Variants in CACNG6 observed in about 807,000 individuals in gnomAD.
CACNG6 encodes voltage-dependent calcium channel gamma-6 subunit.
CACNG6 carries 21 observed loss-of-function variants against 23.9 expected under a neutral mutation model. The ratio of observed to expected loss-of-function variants is 0.88; its 90% CI spans 0.62 to 1.26. CACNG6 has a LOEUF of 1.26. Ranked by LOEUF, CACNG6 falls within the 50% of genes most tolerant of loss-of-function variation. The pLI is 0.00. For synonymous variants in CACNG6, 182 were observed against 168.9 expected, an observed-to-expected ratio of 1.08 and a Z score of -0.60; for missense variants, 340 against 352.9, an observed-to-expected ratio of 0.96 and a Z score of 0.29.
chr19:54,007,191 C>A (rs532662310), intron 3 of CACNG6, among the ~76,000 whole-genome samples: 1 of 152,110 alleles, frequency 6.6e-6, no homozygotes, highest in African/African-American at 2.4e-5. Flanking sequence ...TGGGATTACA[C>A]GCATGCACCA....
At chr19:53,998,511 C>T (rs1402101603) in intron 2 of CACNG6, among the ~76,000 whole-genome samples, 198 bp downstream of exon 2, 56 of 115,422 alleles carry the variant, frequency 4.9e-4, no homozygotes, top group African/African-American at 1.7e-3. Context: ...CTAGAGAACT[C>T]TTTTTTTTTT....
In CACNG6 at chr19:53,993,186, C is replaced by G. The variant is rs1281222791; in HGVS notation, c.309C>G (p.Cys103Trp). 6 of 1,541,890 alleles carry G rather than the reference C, an allele frequency of 3.9e-6. No individual in the cohort carries two copies. The South Asian group carries it at 7.2e-5, about 18-fold the overall frequency. The change falls in exon 1 of 4, where the codon TGC becomes TGG. Residue 103 changes from cysteine to tryptophan, a missense_variant. Physicochemically the swap from Cys to Trp is radical, Grantham distance 215. Coordinates refer to ENST00000252729, the MANE Select transcript of CACNG6 (RefSeq NM_145814.2). ...QADVPVDRDT[C>W]GPAELPGEAN... Reference sequence around the variant, plus strand: ...ACGTGCCCGTGGACAGGGACACCTGCGGCCCCGCGGAGCTGCCCGGAGGTG... The same window carrying G: ...ACGTGCCCGTGGACAGGGACACCTGGGGCCCCGCGGAGCTGCCCGGAGGTG...
At chr19:54,000,947 T>A (rs1394048222) in intron 3 of CACNG6, among the ~76,000 whole-genome samples, 1 of 152,084 alleles carries the variant, frequency 6.6e-6, no homozygotes, top group East Asian at 1.9e-4. Flanking sequence ...GGGCACACAA[T>A]CAATGATGGC....
chr19:54,005,552 G>A (rs1295620811), intron 3 of CACNG6, among the ~76,000 whole-genome samples: 4 of 151,608 alleles, frequency 2.6e-5, no homozygotes, highest in Non-Finnish European at 5.9e-5. Flanking sequence ...TTAGGAGTTC[G>A]AGACCAGCCT....
At chr19:54,011,449 A>AC (rs1240878018) in intron 3 of CACNG6, among the ~76,000 whole-genome samples, 28 of 135,852 alleles carry the variant, frequency 2.1e-4, no homozygotes, top group South Asian at 4.7e-4. Flanking sequence ...AAAAAAAAAA[A>AC]AAAACAAAAC....
At chr19:54,005,210 A>AAAATAAATGAATAAAT (rs377340398) in intron 3 of CACNG6, among the ~76,000 whole-genome samples, 1 of 132,810 alleles carries the variant, frequency 7.5e-6, no homozygotes, top group Non-Finnish European at 1.6e-5. Context: ...CTCCATCTCA[A>AAAATAAATGAATAAAT]AAATAAATAA....
chr19:54,003,066 C>T (rs145494775), intron 3 of CACNG6, among the ~76,000 whole-genome samples: 1 of 152,274 alleles, frequency 6.6e-6, no homozygotes, highest in Non-Finnish European at 1.5e-5. Flanking sequence ...ATAAAAAGTA[C>T]AGAGTATGAG....
intron 3 of CACNG6, among the ~76,000 whole-genome samples, chr19:54,006,454 C>T (rs944545981): frequency 2.0e-5 from 3 of 151,402 alleles, no homozygotes; most frequent in South Asian, 2.1e-4. Flanking sequence ...AAATGGCCAA[C>T]TTATCCCTGT....
At chr19:54,011,207 T>A (rs201919434) in intron 3 of CACNG6, among the ~76,000 whole-genome samples, 14,620 of 95,596 alleles carry the variant, frequency 0.15, 1,298 homozygotes, top group Non-Finnish European at 0.19. Flanking sequence ...AAAAAAAAAA[T>A]ATATATATAT....
rs2069539695 is a variant in CACNG6, at chr19:53,998,204, T to A, written c.332-35T>A. ...CTGAGCTTACGCAAGGGACCTCACATCCTCATGTCTGTTTTCTCTCTCCTG... is the reference window on the plus strand; with the variant it reads ...CTGAGCTTACGCAAGGGACCTCACAACCTCATGTCTGTTTTCTCTCTCCTG... On this transcript the variant is annotated intron_variant, in intron 1 of 3. Transcript: ENST00000252729. The A allele has an allele frequency of 1.9e-6, 3 of 1,593,684 alleles. No homozygotes were observed. The South Asian group carries it at 3.3e-5, about 18-fold the overall frequency.
In CACNG6 at chr19:54,012,559, G is replaced by GGA. The variant is rs1332442573; in HGVS notation, c.*375_*376dup. ...CAGGTCTGGATCGATTCACTTGCCG[G>GGA]GAGAGACTTTTTACAACTCATCTGC... is the stretch of plus-strand genomic sequence containing the variant. On this transcript the variant is annotated 3_prime_UTR_variant, in exon 4 of 4. Transcript: ENST00000252729. 1 of 184,118 alleles carries GGA rather than the reference G, an allele frequency of 5.4e-6. No homozygotes were observed. The highest frequency in any genetic ancestry group is 2.3e-5 in the African/African-American group (1 of 42,582). The allele number at this position is 184,118 out of a possible 1,614,324, so 11.4% of individuals were successfully genotyped here. A position where few individuals can be genotyped will look rare whatever the true frequency, so the allele number is the denominator to read the frequency against.
intron 1 of CACNG6, among the ~76,000 whole-genome samples, chr19:53,996,863 A>ATTTTTTTTTTT (rs35192974): frequency 1.0e-5 from 1 of 98,570 alleles, no homozygotes; most frequent in East Asian, 2.9e-4. Context: ...GATCTTTGGG[A>ATTTTTTTTTTT]TTTTTTTTTT....
intron 3 of CACNG6, among the ~76,000 whole-genome samples, chr19:54,011,227 T>TACACACACACACACACACACACAC (rs1555819814): frequency 1.0e-5 from 1 of 95,296 alleles, no homozygotes; most frequent in African/African-American, 5.8e-5. Flanking sequence ...TATATATATA[T>TACACACACACACACACACACACAC]ACACACACAC....
chr19:54,002,280 T>TTTTTTTTTG (rs1457711519), intron 3 of CACNG6, among the ~76,000 whole-genome samples: 2 of 135,126 alleles, frequency 1.5e-5, no homozygotes, highest in African/African-American at 6.8e-5. Flanking sequence ...TTTTTGTTTT[T>TTTTTTTTTG]TTTGTTTTTT....
intron 1 of CACNG6, among the ~76,000 whole-genome samples, chr19:53,995,868 A>C (rs543114760): frequency 6.6e-6 from 1 of 152,194 alleles, no homozygotes; most frequent in South Asian, 2.1e-4. Context: ...CACCATGTTG[A>C]CGAGGCTGGT....
intron 3 of CACNG6, among the ~76,000 whole-genome samples, chr19:54,011,227 T>TATATATACACACAC (rs1442985544): frequency 2.1e-5 from 2 of 95,294 alleles, no homozygotes; most frequent in African/African-American, 1.2e-4. Context: ...TATATATATA[T>TATATATACACACAC]ACACACACAC....
At chr19:53,999,603 T>G in intron 2 of CACNG6, 31 bp from the exon 3 acceptor site, 1 of 1,609,362 alleles carries the variant, frequency 6.2e-7, no homozygotes. Context: ...CATCCCATGT[T>G]CTCTGCTTCT....
At chr19:54,008,302 G>A (rs932812248) in intron 3 of CACNG6, among the ~76,000 whole-genome samples, 3 of 151,924 alleles carry the variant, frequency 2.0e-5, no homozygotes, top group Non-Finnish European at 4.4e-5. Context: ...GCAGTGAGCT[G>A]AGATTGCACC....
In CACNG6 at chr19:53,993,222, G is replaced by A; in HGVS notation, c.331+14G>A. ...AGCTGCCCGGAGGTGAGCAGCCGCC[G>A]CCCCGAGCGCAGGGCTTGCGTCCCA... On this transcript the variant is annotated intron_variant, in intron 1 of 3. Transcript: ENST00000252729. The A allele has an allele frequency of 6.5e-7, 1 of 1,528,810 alleles. No individual in the cohort carries two copies. The highest frequency in any genetic ancestry group is 1.2e-5 in the South Asian group (1 of 82,870). 94.7% of individuals were successfully genotyped at this position (1,528,810 alleles called of 1,614,324 possible).
Sources: allele counts gnomAD v4.1 joint callset (sites outside exome capture counted in the v4.1 genomes callset), GRCh38; gene constraint gnomAD v4.1.1; transcripts MANE v1.5; gene names NCBI Gene and HGNC (gene_info 2026-07-23, HGNC 2026-07-21).